Variants in ADRA1B observed in about 807,000 individuals in gnomAD.
The protein encoded by ADRA1B is adrenoceptor alpha 1B.
Under a neutral mutation model 17.9 loss-of-function variants are expected in ADRA1B, and 17 were observed. The ratio of observed to expected loss-of-function variants is 0.95; its 90% CI spans 0.65 to 1.42. The LOEUF is 1.42. ADRA1B is among the 40% of genes most tolerant of loss of function. The pLI is 0.00. For missense variants in ADRA1B, 681 were observed against 722.1 expected, an observed-to-expected ratio of 0.94 and a Z score of 0.65; for synonymous variants, 366 against 327.6, an observed-to-expected ratio of 1.12 and a Z score of -1.27.
the ADRA1B span, among the ~76,000 whole-genome samples, chr5:159,986,416 A>G: frequency 6.6e-6 from 1 of 152,232 alleles, no homozygotes; most frequent in South Asian, 2.1e-4. Context: ...TTGATTATTC[A>G]CACTCACGTG....
At chr5:159,976,318 G>A (rs1447134744), downstream of ADRA1B, among the ~76,000 whole-genome samples, 1 of 152,022 alleles carries the variant, frequency 6.6e-6, no homozygotes, top group Non-Finnish European at 1.5e-5. Context: ...TAGGACTTAG[G>A]GTCCACCGTG....
At chr5:159,939,278 AGTGTGTGTGTGT>A (rs70987981) in intron 1 of ADRA1B, among the ~76,000 whole-genome samples, 2,500 of 98,366 alleles carry the variant, frequency 0.025, 104 homozygotes, top group African/African-American at 0.087. Context: ...AGAGAGAGAG[AGTGTGTGTGTGT>A]GTGTGTGTGT....
intron 1 of ADRA1B, among the ~76,000 whole-genome samples, chr5:159,930,984 A>G (rs1460604219): frequency 1.4e-5 from 2 of 147,616 alleles, no homozygotes; most frequent in Admixed American, 1.4e-4. Context: ...TTTAACATAT[A>G]TATAATATAT....
downstream of ADRA1B, among the ~76,000 whole-genome samples, chr5:159,974,594 C>A (rs1755943481): frequency 6.6e-6 from 1 of 150,712 alleles, no homozygotes; most frequent in East Asian, 1.9e-4. Context: ...CGAAATCACA[C>A]CATTGCACTC....
chr5:159,985,132 G>A, the ADRA1B span, among the ~76,000 whole-genome samples: 1 of 151,954 alleles, frequency 6.6e-6, no homozygotes, highest in Non-Finnish European at 1.5e-5. Context: ...TGCTCTTGCT[G>A]TTTCCTCTGC....
chr5:159,938,560 G>A (rs10515805), intron 1 of ADRA1B, among the ~76,000 whole-genome samples: 19,848 of 152,178 alleles, frequency 0.13, 1,495 homozygotes, highest in Non-Finnish European at 0.16. Flanking sequence ...TGGCTTCAAA[G>A]AGGAAAAATG....
chr5:159,948,044 G>T (rs868824868), intron 1 of ADRA1B: 1 of 985,338 alleles, frequency 1.0e-6, no homozygotes, highest in African/African-American at 1.7e-5. Flanking sequence ...CTGGCCCATC[G>T]GTTTCACAGA....
At chr5:159,919,405 T>C (rs973655870) in intron 1 of ADRA1B, among the ~76,000 whole-genome samples, 2 of 152,214 alleles carry the variant, frequency 1.3e-5, no homozygotes, top group East Asian at 3.8e-4. Context: ...ATGGAGGTGA[T>C]TTGGCCTCTT....
At chr5:159,975,992 C>A (rs951258052), downstream of ADRA1B, among the ~76,000 whole-genome samples, 1 of 152,228 alleles carries the variant, frequency 6.6e-6, no homozygotes, top group African/African-American at 2.4e-5. Context: ...TTTTCCAGAC[C>A]TGGACTCAAA....
At chr5:159,940,900 C>T (rs1043594744) in intron 1 of ADRA1B, among the ~76,000 whole-genome samples, 6 of 152,168 alleles carry the variant, frequency 3.9e-5, no homozygotes, top group African/African-American at 1.4e-4. Context: ...TGCCAGCTTT[C>T]CAAGCATAAC....
intron 1 of ADRA1B, among the ~76,000 whole-genome samples, chr5:159,927,381 G>GCACACACACACA (rs59807316): frequency 0.082 from 11,591 of 140,560 alleles, 574 homozygotes; most frequent in Middle Eastern, 0.11. Flanking sequence ...ATTAAAACAT[G>GCACACACACACA]CACACACACA....
Position 159,917,016 on chromosome 5 carries a change from G to A in ADRA1B, c.111G>A (p.Leu37=). The A allele has an allele frequency of 1.9e-6, 3 of 1,614,122 alleles. No individual in the cohort carries two copies. The highest frequency in any genetic ancestry group is 2.5e-6 in the Non-Finnish European group (3 of 1,180,010). The change falls in exon 1 of 2, where the codon CTG becomes CTA. Residue 37 remains leucine, a synonymous_variant. Transcript: ENST00000306675. The stretch of plus-strand genomic sequence containing the variant: ...ACCAGACCTCGAGCAACTCCACACT[G>A]CCCCAGCTGGACATCACCAGGGCCA... ...GPNQTSSNST[L]PQLDITRAIS...
At chr5:159,925,308 C>T (rs1018273052) in intron 1 of ADRA1B, among the ~76,000 whole-genome samples, 37 of 152,170 alleles carry the variant, frequency 2.4e-4, no homozygotes, top group African/African-American at 8.9e-4. Context: ...TTGGGTCGTT[C>T]CTCTAGGAAG....
intron 1 of ADRA1B, among the ~76,000 whole-genome samples, chr5:159,891,146 G>A (rs556386535): frequency 6.6e-6 from 1 of 152,204 alleles, no homozygotes; most frequent in South Asian, 2.1e-4. Context: ...ATAAACAAAT[G>A]CAAATGTCAA....
At chr5:159,947,626 A>C (rs1158539581) in intron 1 of ADRA1B, 1 of 840,806 alleles carries the variant, frequency 1.2e-6, no homozygotes, top group Non-Finnish European at 1.4e-6. Context: ...CTGGCTTTCA[A>C]ATTAACGCTA....
chr5:159,943,854 C>G (rs1755199114), intron 1 of ADRA1B, among the ~76,000 whole-genome samples: 1 of 151,186 alleles, frequency 6.6e-6, no homozygotes, highest in African/African-American at 2.4e-5. Context: ...ATATTGTTAC[C>G]TGGGTGACTG....
At position 159,875,883 on chromosome 5, in the gene ADRA1B, A is replaced by C. The variant is rs561045242; in HGVS notation, c.-256+10677A>C. On this transcript the variant is annotated intron_variant, in intron 1 of 2. Coordinates refer to the ADRA1B transcript ENST00000641205. ...TGGTATAGATGGAACAGCATACGTG[A>C]CTAAAAGTTGCTTAAACAACAAGGG... Among the ~76,000 whole-genome samples, 613 of 133,870 alleles carry C rather than the reference A, an allele frequency of 4.6e-3. 8 individuals are homozygous for C. The highest frequency in any genetic ancestry group is 0.018 in the African/African-American group (597 of 32,700). 87.8% of individuals were successfully genotyped at this position (133,870 alleles called of 152,430 possible).
At chr5:159,955,990 C>A (rs1475788532) in intron 1 of ADRA1B, among the ~76,000 whole-genome samples, 1 of 152,190 alleles carries the variant, frequency 6.6e-6, no homozygotes, top group Non-Finnish European at 1.5e-5. Flanking sequence ...TGCGTGTAAT[C>A]CCAGCATTTT....
At chr5:159,876,796 T>G (rs1361614804) in intron 1 of ADRA1B, among the ~76,000 whole-genome samples, 3 of 152,200 alleles carry the variant, frequency 2.0e-5, no homozygotes, top group Admixed American at 6.5e-5. Flanking sequence ...AAGTAAAAAG[T>G]AAAGGACGAT....
Sources: gnomAD v4.1 joint callset for allele counts (sites outside exome capture counted in the v4.1 genomes callset) on GRCh38, gnomAD v4.1.1 for gene constraint, MANE v1.5 for transcripts, NCBI Gene and HGNC (gene_info 2026-07-23, HGNC 2026-07-21) for gene names.